SRGAP1: variants seen among roughly 807,000 people sequenced by gnomAD.
SRGAP1 encodes the protein SLIT-ROBO Rho GTPase-activating protein 1.
Under a neutral mutation model 121.9 loss-of-function variants are expected in SRGAP1, and 43 were observed. That is an observed-to-expected ratio of 0.35 (90% CI 0.28 to 0.46). SRGAP1 has a LOEUF of 0.46. SRGAP1 is among the 20% of genes least tolerant of loss of function. SRGAP1 has a pLI of 1.00. For synonymous variants in SRGAP1, 447 were observed against 485.4 expected (o/e 0.92, Z 1.04); for missense variants, 1,102 against 1,350.9 (o/e 0.82, Z 2.89).
intron 6 of SRGAP1, among the ~76,000 whole-genome samples, chr12:64,054,095 A>G (rs2035292425): frequency 6.6e-6 from 1 of 152,216 alleles, no homozygotes; most frequent in South Asian, 2.1e-4. Flanking sequence ...GCTTTCTCCC[A>G]GAGCACCTGC....
intron 8 of SRGAP1, among the ~76,000 whole-genome samples, chr12:64,071,155 G>A (rs768501884): frequency 2.0e-5 from 3 of 152,038 alleles, no homozygotes; most frequent in Non-Finnish European, 2.9e-5. Context: ...GTCTTTCACC[G>A]CAAACACACA....
At chr12:63,855,905 C>A (rs978833156) in intron 1 of SRGAP1, among the ~76,000 whole-genome samples, 1 of 152,056 alleles carries the variant, frequency 6.6e-6, no homozygotes, top group Non-Finnish European at 1.5e-5. Flanking sequence ...TAGTCTCTTG[C>A]CAGTTATATC....
intron 4 of SRGAP1, among the ~76,000 whole-genome samples, chr12:64,021,865 G>A (rs2034557679): frequency 6.6e-6 from 1 of 152,176 alleles, no homozygotes; most frequent in Admixed American, 6.5e-5. Context: ...AAGTGAAAGG[G>A]TGAACCAGGA....
At chr12:63,944,831 C>G (rs373926654) in intron 1 of SRGAP1, among the ~76,000 whole-genome samples, 10 of 152,274 alleles carry the variant, frequency 6.6e-5, no homozygotes, top group African/African-American at 2.4e-4. Flanking sequence ...AGACAGGAAC[C>G]CAGGTGCATG....
intron 8 of SRGAP1, among the ~76,000 whole-genome samples, chr12:64,070,058 T>C (rs1840664): frequency 0.16 from 23,922 of 152,176 alleles, 2,420 homozygotes; most frequent in South Asian, 0.32. Context: ...CAGCCACCGG[T>C]CCAGCATTGC....
rs1197374168 is a variant in SRGAP1, at chr12:64,055,206, G to A, written c.802-7711G>A. On this transcript the variant is annotated intron_variant, in intron 6 of 21. Coordinates refer to ENST00000355086, the MANE Select transcript of SRGAP1 (RefSeq NM_020762.4). ...AAATCACAAGCATTCTTATACACCA[G>A]CAACAGACAAACAGAGAGCCAAATC... Among the ~76,000 whole-genome samples, 6 of 145,926 alleles carry A rather than the reference G, an allele frequency of 4.1e-5. No homozygotes were observed. In the East Asian group the frequency reaches 6.1e-4, roughly 15 times the overall value.
intron 1 of SRGAP1, among the ~76,000 whole-genome samples, chr12:63,881,410 G>C (rs914731529): frequency 6.6e-6 from 1 of 152,170 alleles, no homozygotes; most frequent in Non-Finnish European, 1.5e-5. Flanking sequence ...GTAATGGACT[G>C]GGTTTTTGGT....
intron 1 of SRGAP1, among the ~76,000 whole-genome samples, chr12:63,889,146 C>T (rs979548728): frequency 1.3e-5 from 2 of 152,220 alleles, no homozygotes; most frequent in African/African-American, 4.8e-5. Flanking sequence ...CAATATCTAT[C>T]TGCAAGCTCC....
chr12:64,133,648 C>T (rs1406131296), intron 21 of SRGAP1, among the ~76,000 whole-genome samples: 3 of 152,168 alleles, frequency 2.0e-5, no homozygotes, highest in Non-Finnish European at 2.9e-5. Context: ...AGTAATATAG[C>T]GGGGTCCTTC....
chr12:64,019,674 C>T (rs1435613619), intron 4 of SRGAP1, among the ~76,000 whole-genome samples: 1 of 152,070 alleles, frequency 6.6e-6, no homozygotes, highest in Admixed American at 6.6e-5. Flanking sequence ...TCAAATCTAT[C>T]CATTATATTA....
At chr12:63,959,443 A>G (rs963474736) in intron 1 of SRGAP1, among the ~76,000 whole-genome samples, 37 of 152,214 alleles carry the variant, frequency 2.4e-4, no homozygotes, top group African/African-American at 8.7e-4. Context: ...AGTTAAAGCT[A>G]GAATAGAAAC....
intron 1 of SRGAP1, among the ~76,000 whole-genome samples, chr12:63,961,375 C>G (rs1030106815): frequency 5.3e-5 from 8 of 152,216 alleles, no homozygotes; most frequent in Non-Finnish European, 1.0e-4. Context: ...AAGCCTCGCC[C>G]CCTTCTTTCC....
At chr12:63,960,361 C>T (rs1044884582) in intron 1 of SRGAP1, among the ~76,000 whole-genome samples, 1 of 152,086 alleles carries the variant, frequency 6.6e-6, no homozygotes, top group Admixed American at 6.5e-5. Context: ...TGCCCCTCCA[C>T]CGCCAGCTGG....
At position 64,095,220 on chromosome 12, in the gene SRGAP1, T is replaced by A. The variant is rs757993794; in HGVS notation, c.1678+16T>A. ...TTTGAGAGAGGTAATTGCACGTCTA[T>A]CCCTATAAGCAAACCACGTTGAAAA... On this transcript the variant is annotated intron_variant, in intron 14 of 21. Transcript: ENST00000355086. 56 of 1,610,668 alleles carry A rather than the reference T, an allele frequency of 3.5e-5. No individual in the cohort carries two copies. The highest frequency in any genetic ancestry group is 8.5e-7 in the Non-Finnish European group (1 of 1,177,710).
At chr12:64,055,759 C>A (rs1400635158) in intron 6 of SRGAP1, among the ~76,000 whole-genome samples, 2 of 152,190 alleles carry the variant, frequency 1.3e-5, no homozygotes. Flanking sequence ...TTTCCTCCTG[C>A]AGTATGGGCT....
intron 17 of SRGAP1, among the ~76,000 whole-genome samples, chr12:64,114,279 T>G (rs1158555887): frequency 6.6e-6 from 1 of 152,078 alleles, no homozygotes; most frequent in Admixed American, 6.6e-5. Context: ...GATACATGAT[T>G]TTATTTTCAT....
chr12:63,950,340 A>G (rs936165250), intron 1 of SRGAP1, among the ~76,000 whole-genome samples: 2 of 152,184 alleles, frequency 1.3e-5, no homozygotes, highest in Non-Finnish European at 2.9e-5. Flanking sequence ...TGGGAGATTT[A>G]TTCTTTGCTA....
chr12:63,888,607 A>C (rs1057343833), intron 1 of SRGAP1: 5 of 152,202 alleles, frequency 3.3e-5, no homozygotes, highest in Non-Finnish European at 7.3e-5. Flanking sequence ...CTCTAATGGC[A>C]TGTTCTCATT....
intron 3 of SRGAP1, among the ~76,000 whole-genome samples, chr12:63,993,976 G>T (rs1386296494): frequency 6.6e-6 from 1 of 152,108 alleles, no homozygotes; most frequent in Non-Finnish European, 1.5e-5. Flanking sequence ...AAATAATAGT[G>T]ATTCAGCTTT....
Sources: allele counts gnomAD v4.1 joint callset (sites outside exome capture counted in the v4.1 genomes callset), GRCh38; gene constraint gnomAD v4.1.1; transcripts MANE v1.5; gene names NCBI Gene and HGNC (gene_info 2026-07-23, HGNC 2026-07-21).